SHKBP1: variants seen among roughly 807,000 people sequenced by gnomAD.
SHKBP1 encodes the protein SH3KBP1 binding protein 1.
A neutral mutation model predicts 83.9 loss-of-function variants in SHKBP1; 71 were observed. The ratio of observed to expected loss-of-function variants is 0.85; its 90% CI spans 0.70 to 1.03. The LOEUF is 1.03. Among genes scored for constraint, SHKBP1 ranks in the 50% least tolerant of loss-of-function variants. The pLI, the probability that SHKBP1 is intolerant of heterozygous loss-of-function variation, is 0.00. For synonymous variants in SHKBP1, 371 were observed against 398.0 expected (o/e 0.93, Z 0.81); for missense variants, 824 against 982.4 (o/e 0.84, Z 2.16).
At chr19:40,589,489 T>TGGGGGCCCA (rs796684341) in intron 15 of SHKBP1, among the ~76,000 whole-genome samples, 9 of 64,408 alleles carry the variant, frequency 1.4e-4, no homozygotes, top group Non-Finnish European at 2.1e-4. Flanking sequence ...AGGGGTGGGA[T>TGGGGGCCCA]GGGGGCCCAG....
chr19:40,590,640 C>T lies in SHKBP1; in HGVS notation c.1769-90C>T, dbSNP rs186969356. On this transcript the variant is annotated intron_variant, in intron 16 of 17. Coordinates refer to ENST00000291842, the MANE Select transcript of SHKBP1 (RefSeq NM_138392.4). The surrounding 1 kb of genome is among the most constrained non-coding windows in gnomAD (Gnocchi z 4.6). ...TGATCTCTGCTTCCTCTCTCCTGTC[C>T]TGACCCTCGGTGCTTGCACTGCAAT... is the stretch of plus-strand genomic sequence containing the variant. 4 of 1,475,066 alleles carry T rather than the reference C, an allele frequency of 2.7e-6. No individual in the cohort carries two copies. The highest frequency in any genetic ancestry group is 2.8e-5 in the African/African-American group (2 of 71,582). 91.4% of individuals were successfully genotyped at this position (1,475,066 alleles called of 1,614,324 possible). A position where few individuals can be genotyped will look rare whatever the true frequency, so the allele number is the denominator to read the frequency against.
In SHKBP1 at chr19:40,577,735, C is replaced by G. The variant is rs1399499335; in HGVS notation, c.260+105C>G. The G allele has an allele frequency of 2.2e-6, 3 of 1,386,502 alleles. No homozygotes were observed. The African/African-American group carries it at 4.3e-5, about 20-fold the overall frequency. The allele number at this position is 1,386,502 out of a possible 1,614,324, so 85.9% of individuals were successfully genotyped here. ...GTGAGCTCCATTCTATTAGAATTCT[C>G]ATTCAGAACCTTGATCACAGGCCGG... On this transcript the variant is annotated intron_variant, in intron 4 of 17. Coordinates refer to ENST00000291842, the MANE Select transcript of SHKBP1 (RefSeq NM_138392.4).
rs376366359 is a variant in SHKBP1 at position 40,590,369 on chromosome 19, G to A, written c.1715G>A (p.Ser572Asn). 7 of 1,611,904 alleles carry A rather than the reference G, an allele frequency of 4.3e-6. No homozygotes were observed. In the African/African-American group the frequency reaches 8.0e-5, roughly 18 times the overall value. Residue 572 changes from serine (S) to asparagine (N), a missense_variant, in exon 16 of 18, where the codon AGC (serine) becomes AAC (asparagine). By Grantham distance (46) the Ser-to-Asn change is conservative. This residue lies in a region of SHKBP1 where 287 missense variants were observed against 322.9 expected (regional missense o/e 0.89). Coordinates refer to ENST00000291842, the MANE Select transcript of SHKBP1 (RefSeq NM_138392.4). This position sits in a 1 kb window ranked among gnomAD's most constrained non-coding sequence, Gnocchi z 4.6. ...RYLLTGQANG[S>N]LAMWDLTTAM... ...CTGCTCACTGGCCAGGCCAACGGCA[G>A]CTTGGCCATGTGGGACCTAACCACC...
chr19:40,580,562 C>T lies in SHKBP1; in HGVS notation c.563-4C>T, dbSNP rs763857672. 2.6e-5 allele frequency: 42 copies of T among 1,614,054 alleles called. 1 individual carries two copies. The Admixed American group carries it at 7.0e-4, about 27-fold the overall frequency. On this transcript the variant is annotated splice_polypyrimidine_tract_variant and splice_region_variant and intron_variant, in intron 7 of 17. Coordinates refer to ENST00000291842, the MANE Select transcript of SHKBP1 (RefSeq NM_138392.4). ...CTCTTCTGATCCCTACTCTTCCCCT[C>T]AAGGACAACCTGAGGAGCCGGGGAT... is the stretch of plus-strand genomic sequence containing the variant.
rs2081334282 is a variant in SHKBP1, at chr19:40,588,980, A to T, written c.1493-102A>T. The T allele has an allele frequency of 4.5e-6, 6 of 1,346,112 alleles. No homozygotes were observed. The South Asian group carries it at 7.3e-5, about 16-fold the overall frequency. The allele number at this position is 1,346,112 out of a possible 1,614,324, so 83.4% of individuals were successfully genotyped here. ...CCTGCCCAACTCTAACAACCTGGGG[A>T]TGGGACTGGGGTCTTGGGGTGGTGG... On this transcript the variant is annotated intron_variant, in intron 14 of 17. Coordinates refer to ENST00000291842, the MANE Select transcript of SHKBP1 (RefSeq NM_138392.4).
intron 10 of SHKBP1, 121 bp downstream of exon 10, chr19:40,582,587 G>A (rs1364329915): frequency 2.5e-6 from 2 of 787,660 alleles, no homozygotes; most frequent in Non-Finnish European, 4.0e-6. Flanking sequence ...CAGAGAACCA[G>A]CAGCTGGCCA....
At position 40,590,352 on chromosome 19, in the gene SHKBP1, TG is replaced by T; in HGVS notation, c.1700del (p.Gly567AlafsTer12). 2 of 1,612,186 alleles carry T rather than the reference TG, an allele frequency of 1.2e-6. No individual in the cohort carries two copies. Among genetic ancestry groups the T allele is most frequent in the Non-Finnish European group, 1.7e-6 (2 of 1,179,460 alleles). On this transcript the variant is annotated frameshift_variant, in exon 16 of 18. Coordinates refer to ENST00000291842, the MANE Select transcript of SHKBP1 (RefSeq NM_138392.4). LOFTEE classifies it high-confidence loss of function. The surrounding 1 kb of genome is among the most constrained non-coding windows in gnomAD (Gnocchi z 4.6). ...CTCGGCCCCGGCGCTACCTGCTCAC[TG>T]GCCAGGCCAACGGCAGCTTGGCCAT... ...GSRPRRYLLT[G>X]QANGSLAMWD...
In SHKBP1 at chr19:40,590,466, T is replaced by A; in HGVS notation, c.1768+44T>A. The A allele has an allele frequency of 6.4e-7, 1 of 1,559,042 alleles. No individual in the cohort carries two copies. The highest frequency in any genetic ancestry group is 1.8e-5 in the Admixed American group (1 of 55,938). ...CAATCCCGTCCCAAGCCCCACAGCC[T>A]CACCCAGAACCACTCTCCACTGCCA... On this transcript the variant is annotated intron_variant, in intron 16 of 17. Transcript: ENST00000291842. The surrounding 1 kb of genome is among the most constrained non-coding windows in gnomAD (Gnocchi z 4.6).
At chr19:40,581,712 C>T (rs1309219690) in intron 9 of SHKBP1, among the ~76,000 whole-genome samples, 2 of 151,944 alleles carry the variant, frequency 1.3e-5, no homozygotes, top group Non-Finnish European at 2.9e-5. Flanking sequence ...AGAGCAAGAC[C>T]CTGTCTCAAA....
Position 40,578,562 on chromosome 19 carries a change from T to G in SHKBP1, c.400+20T>G. 1 of 1,598,708 alleles carries G rather than the reference T, an allele frequency of 6.3e-7. No individual in the cohort carries two copies. On this transcript the variant is annotated intron_variant, in intron 6 of 17. Coordinates refer to ENST00000291842, the MANE Select transcript of SHKBP1 (RefSeq NM_138392.4). The stretch of plus-strand genomic sequence containing the variant: ...CACCAGGTAGGCACTCCCAATGGAA[T>G]GGAGGGGCGCGGAGGTGGGCCAAAG...
In SHKBP1 at chr19:40,588,936, C is replaced by T; in HGVS notation, c.1493-146C>T. 11 of 1,232,502 alleles carry T rather than the reference C, an allele frequency of 8.9e-6. No homozygotes were observed. In the South Asian group the frequency reaches 1.1e-4, roughly 12 times the overall value. The allele number at this position is 1,232,502 out of a possible 1,614,324, so 76.3% of individuals were successfully genotyped here. A position where few individuals can be genotyped will look rare whatever the true frequency, so the allele number is the denominator to read the frequency against. ...ACCTGAGCTCCACTGACTGCCACAA[C>T]CCCCCAGCCCTCTCTGGCCCTGCCC... On this transcript the variant is annotated intron_variant, in intron 14 of 17. Coordinates refer to ENST00000291842, the MANE Select transcript of SHKBP1 (RefSeq NM_138392.4).
rs912348465 is a variant in SHKBP1 at position 40,589,153 on chromosome 19, G to A, written c.1564G>A (p.Val522Met). The A allele has an allele frequency of 8.1e-6, 13 of 1,613,034 alleles. No individual in the cohort carries two copies. Among genetic ancestry groups the A allele is most frequent in the Middle Eastern group, 1.6e-4 (1 of 6,084 alleles). ...KVVPSASQLF[V>M]RLSSTGQRVC... ...GGTGCCCAGTGCCAGCCAGCTCTTC[G>A]TGCGTCTCTCATCTACTGGGCAGCG... The change falls in exon 15 of 18, where the codon GTG becomes ATG. Residue 522 changes from valine to methionine, a missense_variant. By Grantham distance (21) the Val-to-Met change is conservative (BLOSUM62 1). This residue lies in a region of SHKBP1 where 287 missense variants were observed against 322.9 expected (regional missense o/e 0.89). Transcript: ENST00000291842.
At chr19:40,586,094 G>T (rs2081309643) in intron 12 of SHKBP1, among the ~76,000 whole-genome samples, 1 of 152,020 alleles carries the variant, frequency 6.6e-6, no homozygotes, top group Non-Finnish European at 1.5e-5. Context: ...CTTTTGTAGA[G>T]ATGAGGGTCT....
Position 40,582,339 on chromosome 19 carries a change from T to G in SHKBP1, c.845-12T>G. The G allele has an allele frequency of 6.2e-7, 1 of 1,611,900 alleles. No homozygotes were observed. Among genetic ancestry groups the G allele is most frequent in the Non-Finnish European group, 8.5e-7 (1 of 1,178,084 alleles). On this transcript the variant is annotated splice_polypyrimidine_tract_variant and intron_variant, in intron 9 of 17. Transcript: ENST00000291842. The stretch of plus-strand genomic sequence containing the variant: ...GGCAGGGTTCCAGCTGAGCCCTTTT[T>G]GCCCACTGCAGGGGTCTTTCATCTG...
chr19:40,578,345 G>A (rs559538951), intron 5 of SHKBP1, 117 bp from the exon 6 acceptor site: 1 of 1,460,040 alleles, frequency 6.8e-7, no homozygotes. Context: ...GCCCTGGCCG[G>A]GTCTGTATTC....
chr19:40,583,353 G>C (rs1454264712), intron 10 of SHKBP1, 45 bp from the exon 11 acceptor site: 2 of 1,493,956 alleles, frequency 1.3e-6, no homozygotes, highest in African/African-American at 1.4e-5. Flanking sequence ...GGAAGGAAAG[G>C]AATGGAAGGG....
rs2081345631 is a variant in SHKBP1, at chr19:40,590,163, A to G, written c.1590-81A>G. On this transcript the variant is annotated intron_variant, in intron 15 of 17. Coordinates refer to ENST00000291842, the MANE Select transcript of SHKBP1 (RefSeq NM_138392.4). This position sits in a 1 kb window ranked among gnomAD's most constrained non-coding sequence, Gnocchi z 4.6. ...TTGGGATGGCCCCTGGAGAGGCAGG[A>G]ACTGCAGCCACAGTGGTGGGGACTG... The G allele has an allele frequency of 1.4e-6, 2 of 1,418,434 alleles. No homozygotes were observed. The highest frequency in any genetic ancestry group is 2.4e-5 in the Admixed American group (1 of 41,228). 87.9% of individuals were successfully genotyped at this position (1,418,434 alleles called of 1,614,324 possible). A position where few individuals can be genotyped will look rare whatever the true frequency, so the allele number is the denominator to read the frequency against.
At position 40,590,704 on chromosome 19, in the gene SHKBP1, CCT is replaced by C; in HGVS notation, c.1769-25_1769-24del. 6.4e-7 allele frequency: 1 copy of C among 1,560,058 alleles called. No homozygotes were observed. Among genetic ancestry groups the C allele is most frequent in the Non-Finnish European group, 8.7e-7 (1 of 1,148,364 alleles). On this transcript the variant is annotated intron_variant, in intron 16 of 17. Transcript: ENST00000291842. The surrounding 1 kb of genome is among the most constrained non-coding windows in gnomAD (Gnocchi z 4.6). ...TTGCCCTATGACCCCTGTCTTGCCC[CCT>C]GACCCTGCTTCCGTGCCCCCCAGCA...
chr19:40,581,254 T>C (rs970347199), intron 9 of SHKBP1, among the ~76,000 whole-genome samples: 1 of 152,184 alleles, frequency 6.6e-6, no homozygotes, highest in Non-Finnish European at 1.5e-5. Flanking sequence ...CTCATGCTTG[T>C]AATCCCAGCA....
Sources: allele counts gnomAD v4.1 joint callset (sites outside exome capture counted in the v4.1 genomes callset), GRCh38; gene constraint gnomAD v4.1.1; regional missense constraint gnomAD v4.1.1; non-coding constraint Gnocchi (gnomAD v3.1); transcripts MANE v1.5; gene names NCBI Gene and HGNC (gene_info 2026-07-23, HGNC 2026-07-21).